The following ZC3H12B variants were observed in gnomAD, a reference collection of about 807,000 sequenced individuals.
ZC3H12B encodes the protein probable ribonuclease ZC3H12B.
A neutral mutation model predicts 43.9 loss-of-function variants in ZC3H12B; 7 were observed. The observed-to-expected ratio is 0.16, with a 90% confidence interval of 0.09 to 0.30. ZC3H12B has a LOEUF of 0.30. Among genes scored for constraint, ZC3H12B ranks in the 10% least tolerant of loss-of-function variants. The probability of loss-of-function intolerance (pLI) is 1.00; values close to 1 mark genes in which losing one functional copy is unlikely to be tolerated. For synonymous variants in ZC3H12B, 222 were observed against 241.7 expected (o/e 0.92, Z 0.76); for missense variants, 475 against 670.2 (o/e 0.71, Z 3.22).
chrX:65,050,903 G>T, the ZC3H12B span, among the ~76,000 whole-genome samples: 73 of 111,298 alleles, frequency 6.6e-4, no homozygotes, highest in African/African-American at 2.2e-3. Flanking sequence ...TTGTGTCTTT[G>T]TCTGGATTTG....
At chrX:65,306,914 G>A in the ZC3H12B span, among the ~76,000 whole-genome samples, 1 of 112,303 alleles carries the variant, frequency 8.9e-6, no homozygotes, top group African/African-American at 3.2e-5. Context: ...GAAAGAGCCT[G>A]ACAAATTAGA....
the ZC3H12B span, among the ~76,000 whole-genome samples, chrX:65,230,312 C>T: frequency 9.2e-6 from 1 of 109,107 alleles, no homozygotes; most frequent in Non-Finnish European, 1.9e-5. Context: ...CATTTTCTCA[C>T]TCATCGGTGG....
chrX:65,457,950 C>T (rs1407050371), intron 3 of ZC3H12B, among the ~76,000 whole-genome samples: 2 of 66,330 alleles, frequency 3.0e-5, no homozygotes, highest in African/African-American at 1.4e-4. Context: ...GGGTCCTCTG[C>T]CTAGGAAAAC....
the ZC3H12B span, among the ~76,000 whole-genome samples, chrX:65,331,616 A>T: frequency 9.1e-6 from 1 of 109,841 alleles, no homozygotes; most frequent in Non-Finnish European, 1.9e-5. Context: ...AAGCAAGTTT[A>T]TTAGGAAAGT....
intron 3 of ZC3H12B, chrX:65,469,373 G>T (rs1416674227): frequency 9.5e-6 from 4 of 422,285 alleles, no homozygotes; most frequent in South Asian, 3.7e-5. Context: ...GCAGCATTTT[G>T]CTGAGTGAGA....
chrX:65,424,008 T>G (rs1201110400), intron 3 of ZC3H12B, among the ~76,000 whole-genome samples: 1 of 112,232 alleles, frequency 8.9e-6, no homozygotes, highest in African/African-American at 3.2e-5. Flanking sequence ...GTAGGTCTTT[T>G]CTGCATCTAT....
chrX:65,497,924 G>C (rs770885198), intron 2 of ZC3H12B, among the ~76,000 whole-genome samples: 9 of 111,485 alleles, frequency 8.1e-5, no homozygotes, highest in Non-Finnish European at 1.3e-4. Context: ...CTTTGTTTGA[G>C]ACAGGGTCTC....
chrX:65,248,560 G>A, the ZC3H12B span, among the ~76,000 whole-genome samples: 1 of 111,842 alleles, frequency 8.9e-6, no homozygotes, highest in Non-Finnish European at 1.9e-5. Flanking sequence ...ACAGCAGTGA[G>A]TATAACAAGA....
chrX:65,207,282 A>C, the ZC3H12B span, among the ~76,000 whole-genome samples: 1 of 108,370 alleles, frequency 9.2e-6, no homozygotes. Flanking sequence ...ACATACACAC[A>C]CCGTGGTCTA....
At chrX:65,177,994 G>T in the ZC3H12B span, among the ~76,000 whole-genome samples, 6 of 112,059 alleles carry the variant, frequency 5.4e-5, no homozygotes, top group Non-Finnish European at 9.4e-5. Context: ...GGGACATCAT[G>T]CTACCTGACT....
intron 2 of ZC3H12B, among the ~76,000 whole-genome samples, chrX:65,383,016 T>C (rs913154634): frequency 4.5e-5 from 5 of 110,746 alleles, no homozygotes; most frequent in Non-Finnish European, 7.5e-5. Flanking sequence ...ATCGTGAAAA[T>C]GACCATACTG....
At chrX:65,390,972 C>T (rs894363066) in intron 2 of ZC3H12B, among the ~76,000 whole-genome samples, 6 of 111,752 alleles carry the variant, frequency 5.4e-5, no homozygotes, top group South Asian at 3.7e-4. Flanking sequence ...AACAATAGAA[C>T]TATAATACAA....
At chrX:65,087,012 C>A in the ZC3H12B span, among the ~76,000 whole-genome samples, 2 of 110,252 alleles carry the variant, frequency 1.8e-5, no homozygotes, top group Non-Finnish European at 3.8e-5. Context: ...CCTTATCCTG[C>A]TTGGGTTCTG....
the ZC3H12B span, among the ~76,000 whole-genome samples, chrX:65,174,306 A>G: frequency 1.1e-3 from 120 of 112,481 alleles, 1 homozygote; most frequent in East Asian, 0.023. Flanking sequence ...GTTTTTCAAA[A>G]GTGACGTTGT....
the ZC3H12B span, among the ~76,000 whole-genome samples, chrX:65,252,627 C>G: frequency 6.7e-3 from 752 of 111,636 alleles, 9 homozygotes; most frequent in African/African-American, 0.023. Context: ...GCCCTTGTCT[C>G]TATTGTAGCC....
chrX:65,082,143 A>G, the ZC3H12B span, among the ~76,000 whole-genome samples: 2 of 111,690 alleles, frequency 1.8e-5, no homozygotes, highest in African/African-American at 3.2e-5. Context: ...GGGAGTATAT[A>G]TCTATAAGTG....
the ZC3H12B span, among the ~76,000 whole-genome samples, chrX:65,217,005 G>A: frequency 9.0e-6 from 1 of 111,713 alleles, no homozygotes; most frequent in Non-Finnish European, 1.9e-5. Context: ...GGTCCAGGAG[G>A]TCATAGGCTT....
the ZC3H12B span, among the ~76,000 whole-genome samples, chrX:65,360,314 A>G: frequency 8.9e-6 from 1 of 112,587 alleles, no homozygotes; most frequent in Non-Finnish European, 1.9e-5. Flanking sequence ...GATGAATTGT[A>G]TGTTATATGA....
the ZC3H12B span, among the ~76,000 whole-genome samples, chrX:65,120,675 C>T: frequency 1.8e-5 from 2 of 111,330 alleles, no homozygotes; most frequent in South Asian, 7.5e-4. Flanking sequence ...GCCAGAACTT[C>T]CAACACTATG....
Sources: gnomAD v4.1 joint callset for allele counts (sites outside exome capture counted in the v4.1 genomes callset) on GRCh38, gnomAD v4.1.1 for gene constraint, MANE v1.5 for transcripts, NCBI Gene and HGNC (gene_info 2026-07-23, HGNC 2026-07-21) for gene names.